CNTNAP2: variants seen among roughly 807,000 people sequenced by gnomAD.
The protein encoded by CNTNAP2 is contactin-associated protein-like 2.
Under a neutral mutation model 155.2 loss-of-function variants are expected in CNTNAP2, and 98 were observed. The ratio of observed to expected loss-of-function variants is 0.63; its 90% confidence interval spans 0.54 to 0.75. The LOEUF (loss-of-function observed/expected upper bound fraction) is 0.75, where lower values mean the gene tolerates loss of function less well. Ranked by LOEUF, CNTNAP2 falls within the 30% of genes least tolerant of loss-of-function variation. CNTNAP2 has a pLI of 0.00. For synonymous variants in CNTNAP2, 651 were observed against 631.2 expected, an observed-to-expected ratio of 1.03 and a Z score of -0.47; for missense variants, 1,727 against 1,688.1, an observed-to-expected ratio of 1.02 and a Z score of -0.40.
At chr7:147,273,720 A>G (rs1804817873) in intron 8 of CNTNAP2, among the ~76,000 whole-genome samples, 1 of 140,510 alleles carries the variant, frequency 7.1e-6, no homozygotes, top group Non-Finnish European at 1.5e-5. Flanking sequence ...GTATTTCATC[A>G]TTTTATATAT....
At chr7:146,329,915 C>G (rs974764380) in intron 1 of CNTNAP2, among the ~76,000 whole-genome samples, 2 of 151,648 alleles carry the variant, frequency 1.3e-5, no homozygotes, top group Non-Finnish European at 2.9e-5. Context: ...TTTATACCCC[C>G]ATAATTTAGT....
chr7:147,832,124 ATTATATTT>A, intron 13 of CNTNAP2, among the ~76,000 whole-genome samples: 1 of 147,834 alleles, frequency 6.8e-6, no homozygotes, highest in Admixed American at 6.8e-5. Context: ...TAATCATACA[ATTATATTT>A]TTATATTTTT....
chr7:146,121,091 A>G (rs1797555415), intron 1 of CNTNAP2, among the ~76,000 whole-genome samples: 1 of 145,090 alleles, frequency 6.9e-6, no homozygotes, highest in Non-Finnish European at 1.5e-5. Flanking sequence ...AAACTTACTC[A>G]AATGTCTTAA....
intron 1 of CNTNAP2, among the ~76,000 whole-genome samples, chr7:146,455,795 C>A (rs777635778): frequency 2.6e-5 from 4 of 152,092 alleles, no homozygotes; most frequent in Non-Finnish European, 1.5e-5. Flanking sequence ...ATTGTAAACT[C>A]AATACTGAAG....
At chr7:146,987,152 T>C (rs1302836997) in intron 3 of CNTNAP2, among the ~76,000 whole-genome samples, 1 of 152,160 alleles carries the variant, frequency 6.6e-6, no homozygotes, top group Non-Finnish European at 1.5e-5. Flanking sequence ...AGGACTTACA[T>C]GCTACATAGT....
At chr7:148,364,714 A>T (rs1452326902) in intron 21 of CNTNAP2, among the ~76,000 whole-genome samples, 1 of 152,204 alleles carries the variant, frequency 6.6e-6, no homozygotes, top group Non-Finnish European at 1.5e-5. Context: ...CAGTGCCCTG[A>T]CAAAACAGGC....
chr7:146,976,905 A>T (rs1298290354), intron 3 of CNTNAP2, among the ~76,000 whole-genome samples: 1 of 152,194 alleles, frequency 6.6e-6, no homozygotes, highest in Admixed American at 6.5e-5. Context: ...ATGGGGGCCT[A>T]TGAACAACAA....
At position 146,404,139 on chromosome 7, in the gene CNTNAP2, A is replaced by C. The variant is rs561478720; in HGVS notation, c.97+287166A>C. 8.1e-5 allele frequency among the ~76,000 whole-genome samples: 12 copies of C among 147,424 alleles called. No individual in the cohort carries two copies. The East Asian group carries it at 2.1e-3, about 26-fold the overall frequency. On this transcript the variant is annotated intron_variant, in intron 1 of 23. Transcript: ENST00000361727. ...GACTCCGTCTCAAAAAAAAAAAAAA[A>C]AAACAAAGAACTTGGCCTCTTGGTT...
At chr7:147,116,606 TGTG>T (rs752642451) in intron 5 of CNTNAP2, among the ~76,000 whole-genome samples, 7 of 152,152 alleles carry the variant, frequency 4.6e-5, no homozygotes, top group Non-Finnish European at 8.8e-5. Flanking sequence ...ACAGCTATGT[TGTG>T]GTGAGGAACT....
chr7:147,399,094 G>A (rs6964021), intron 10 of CNTNAP2, among the ~76,000 whole-genome samples: 71,329 of 151,818 alleles, frequency 0.47, 19,533 homozygotes, highest in African/African-American at 0.77. Context: ...CACAGGCAAC[G>A]AAAGAGGCAC....
intron 12 of CNTNAP2, among the ~76,000 whole-genome samples, chr7:147,575,508 CAA>C (rs1800381013): frequency 3.4e-5 from 1 of 29,618 alleles, no homozygotes; most frequent in Admixed American, 3.9e-4. Context: ...TAGGGGTATA[CAA>C]CTGTGTGTGT....
chr7:147,581,517 G>T (rs936734561), intron 12 of CNTNAP2, among the ~76,000 whole-genome samples: 1 of 152,132 alleles, frequency 6.6e-6, no homozygotes, highest in Admixed American at 6.5e-5. Flanking sequence ...AATGAGTTTT[G>T]TGTTGTTTTT....
intron 1 of CNTNAP2, among the ~76,000 whole-genome samples, chr7:146,581,519 A>G (rs1798610550): frequency 6.6e-6 from 1 of 152,102 alleles, no homozygotes; most frequent in African/African-American, 2.4e-5. Flanking sequence ...AAAGTGACCT[A>G]TGCTGAGAGA....
intron 1 of CNTNAP2, among the ~76,000 whole-genome samples, chr7:146,719,253 G>T (rs9886115): frequency 0.013 from 1,916 of 152,194 alleles, 39 homozygotes; most frequent in African/African-American, 0.043. Flanking sequence ...CTTTGCTGAG[G>T]CTACAAAGAA....
intron 15 of CNTNAP2, among the ~76,000 whole-genome samples, chr7:148,108,283 A>G (rs1314387224): frequency 6.6e-6 from 1 of 151,848 alleles, no homozygotes; most frequent in African/African-American, 2.4e-5. Flanking sequence ...CTTAATGGCT[A>G]CTCTACAAAG....
At chr7:146,691,780 C>T (rs764275815) in intron 1 of CNTNAP2, among the ~76,000 whole-genome samples, 4 of 152,126 alleles carry the variant, frequency 2.6e-5, no homozygotes, top group Non-Finnish European at 5.9e-5. Flanking sequence ...TCTCAAATCT[C>T]TATGTCTTGC....
chr7:146,764,937 C>T (rs1802168845), intron 1 of CNTNAP2, among the ~76,000 whole-genome samples: 1 of 152,014 alleles, frequency 6.6e-6, no homozygotes, highest in African/African-American at 2.4e-5. Flanking sequence ...TGAAGACTTC[C>T]TATGGTGTGC....
intron 8 of CNTNAP2, among the ~76,000 whole-genome samples, chr7:147,261,542 G>T (rs1255658178): frequency 6.7e-6 from 1 of 150,016 alleles, no homozygotes. Context: ...TTGTCAAGTG[G>T]TAAGGGATAC....
chr7:146,508,168 C>T (rs1274326652), intron 1 of CNTNAP2, among the ~76,000 whole-genome samples: 2 of 152,200 alleles, frequency 1.3e-5, no homozygotes, highest in African/African-American at 2.4e-5. Context: ...TAACATCTTA[C>T]TAGTCTCAGT....
Sources: allele counts gnomAD v4.1 joint callset (sites outside exome capture counted in the v4.1 genomes callset), GRCh38; gene constraint gnomAD v4.1.1; transcripts MANE v1.5; gene names NCBI Gene and HGNC (gene_info 2026-07-23, HGNC 2026-07-21).